ITGB3: variants seen among roughly 807,000 people sequenced by gnomAD.
ITGB3 encodes integrin subunit beta 3, also known as integrin beta-3.
A neutral mutation model predicts 85.8 loss-of-function variants in ITGB3; 48 were observed. The ratio of observed to expected loss-of-function variants is 0.56; its 90% CI spans 0.44 to 0.71. The LOEUF (loss-of-function observed/expected upper bound fraction) is 0.71, where lower values mean the gene tolerates loss of function less well. Among genes scored for constraint, ITGB3 ranks in the 30% least tolerant of loss-of-function variants. The pLI, the probability that ITGB3 is intolerant of heterozygous loss-of-function variation, is 0.00. For missense variants in ITGB3, 861 were observed against 1,019.1 expected, an observed-to-expected ratio of 0.84 and a Z score of 2.11; for synonymous variants, 363 against 395.6, an observed-to-expected ratio of 0.92 and a Z score of 0.98.
intron 3 of ITGB3, 112 bp from the exon 4 acceptor site, chr17:47,284,331 G>A: frequency 1.6e-6 from 2 of 1,239,370 alleles, no homozygotes; most frequent in Admixed American, 1.7e-5. Flanking sequence ...AGGGACCAGG[G>A]CTTTCTGGTT....
At chr17:47,287,903 C>T (rs1455388871) in intron 6 of ITGB3, among the ~76,000 whole-genome samples, 2 of 147,608 alleles carry the variant, frequency 1.4e-5, no homozygotes, top group Non-Finnish European at 3.0e-5. Context: ...GAGCAAGAAC[C>T]ACCCCTGCTT....
intron 1 of ITGB3, among the ~76,000 whole-genome samples, chr17:47,260,074 T>TTGTGTG (rs113106495): frequency 1.3e-5 from 2 of 151,634 alleles, no homozygotes; most frequent in East Asian, 3.9e-4. Flanking sequence ...TTATGTTTAT[T>TTGTGTG]TGTGTGTGTG....
rs56288308 is a variant in ITGB3 at position 47,311,358 on chromosome 17, G to A, written c.*1154G>A. On this transcript the variant is annotated 3_prime_UTR_variant, in exon 15 of 15. Transcript: ENST00000559488. ...AATGATGGGTCAGTTGTATCAGCAC[G>A]TGTGGCCTGTTCTTCTATGGGTTGG... The A allele has an allele frequency of 7.7e-3, 1,171 of 152,806 alleles. 5 individuals carry two copies. The highest frequency in any genetic ancestry group is 0.013 in the Non-Finnish European group (871 of 68,060). The allele number at this position is 152,806 out of a possible 1,614,324, so 9.5% of individuals were successfully genotyped here. A position where few individuals can be genotyped will look rare whatever the true frequency, so the allele number is the denominator to read the frequency against.
chr17:47,272,663 A>T (rs1012048480), intron 1 of ITGB3, among the ~76,000 whole-genome samples: 292 of 148,306 alleles, frequency 2.0e-3, no homozygotes, highest in Middle Eastern at 6.9e-3. Flanking sequence ...ATTTTATGTA[A>T]TCTTTCTTTC....
At chr17:47,270,969 C>A (rs1273555665) in intron 1 of ITGB3, among the ~76,000 whole-genome samples, 1 of 152,180 alleles carries the variant, frequency 6.6e-6, no homozygotes, top group East Asian at 1.9e-4. Context: ...CTTAAAAAAG[C>A]AAAGCAAAAC....
intron 1 of ITGB3, among the ~76,000 whole-genome samples, chr17:47,265,563 T>G (rs761267796): frequency 8.5e-5 from 13 of 152,166 alleles, no homozygotes; most frequent in Non-Finnish European, 1.6e-4. Context: ...CCTCTTCTCA[T>G]AAGGACATCA....
chr17:47,277,135 G>C (rs925733479), intron 2 of ITGB3, among the ~76,000 whole-genome samples: 2 of 152,096 alleles, frequency 1.3e-5, no homozygotes, highest in African/African-American at 4.8e-5. Flanking sequence ...ACGCGGGTTG[G>C]GTTGCTGTGC....
intron 1 of ITGB3, among the ~76,000 whole-genome samples, chr17:47,271,491 T>C (rs1407068562): frequency 6.6e-6 from 1 of 152,206 alleles, no homozygotes; most frequent in East Asian, 1.9e-4. Context: ...AATGCTGAAA[T>C]GAATTAGTGA....
In ITGB3 at chr17:47,299,369, C is replaced by T. The variant is rs746064710; in HGVS notation, c.1752C>T (p.Cys584=). Residue 584 remains cysteine, a synonymous_variant, in exon 11 of 15, where the codon TGC becomes TGT. Transcript: ENST00000559488. This position sits in a 1 kb window ranked among gnomAD's most constrained non-coding sequence, Gnocchi z 5.1. ...LCDSDWTGYY[C]NCTTRTDTCM... is the part of the protein sequence containing the mutation. ...ACTCCGACTGGACCGGCTACTACTGCAACTGTACCACGCGTACTGACACCT... is the reference window on the plus strand; with the variant it reads ...ACTCCGACTGGACCGGCTACTACTGTAACTGTACCACGCGTACTGACACCT... The T allele has an allele frequency of 1.2e-6, 2 of 1,614,238 alleles. No homozygotes were observed. The highest frequency in any genetic ancestry group is 2.2e-5 in the South Asian group (2 of 91,090).
Position 47,274,426 on chromosome 17 carries a change from C to A in ITGB3, c.87C>A (p.Asn29Lys), listed in dbSNP as rs1567761788. 3 of 1,613,078 alleles carry A rather than the reference C, an allele frequency of 1.9e-6. No homozygotes were observed. The highest frequency in any genetic ancestry group is 2.5e-6 in the Non-Finnish European group (3 of 1,179,936). Residue 29 changes from asparagine to lysine, a missense_variant, in exon 2 of 15, where the codon AAC (asparagine) becomes AAA (lysine). Transcript: ENST00000559488. ...TTTGTCTGTCTGTTGCAGGGCCCAA[C>A]ATCTGTACCACGCGAGGTGTGAGCT... ...ALAGVGVGGP[N>K]ICTTRGVSSC... is the part of the protein sequence containing the mutation.
chr17:47,286,975 T>C, intron 5 of ITGB3, 95 bp from the exon 6 acceptor site: 2 of 1,318,222 alleles, frequency 1.5e-6, no homozygotes, highest in Non-Finnish European at 2.2e-6. Flanking sequence ...TCCAGCCCTT[T>C]AGCCAGGGAG....
At chr17:47,256,171 C>A (rs62074394) in intron 1 of ITGB3, among the ~76,000 whole-genome samples, 17,537 of 152,032 alleles carry the variant, frequency 0.12, 1,125 homozygotes, top group Middle Eastern at 0.15. Flanking sequence ...TTAAAAGATC[C>A]TTTAAGATAT....
intron 3 of ITGB3, among the ~76,000 whole-genome samples, 194 bp from the exon 4 acceptor site, chr17:47,284,249 T>G (rs987988743): frequency 6.6e-6 from 1 of 151,924 alleles, no homozygotes; most frequent in Non-Finnish European, 1.5e-5. Context: ...AATTTTAGAA[T>G]GGAAAAGAAG....
At chr17:47,258,434 CTTT>C (rs545172183) in intron 1 of ITGB3, among the ~76,000 whole-genome samples, 3 of 144,848 alleles carry the variant, frequency 2.1e-5, no homozygotes, top group African/African-American at 7.5e-5. Context: ...CAAAAACACT[CTTT>C]TTTTTTTTTT....
rs758917871 is a variant in ITGB3, at chr17:47,309,079, G to A, written c.2302-1060G>A. On this transcript the variant is annotated intron_variant, in intron 14 of 14. Coordinates refer to ENST00000559488, the MANE Select transcript of ITGB3 (RefSeq NM_000212.3). Reference sequence around the variant, plus strand: ...CCTTCTTTTTTTGAGACAGGGTCTCGCTCTGTCACCCATGCTGGAGTGCAG... The same window carrying A: ...CCTTCTTTTTTTGAGACAGGGTCTCACTCTGTCACCCATGCTGGAGTGCAG... 1.4e-3 allele frequency among the ~76,000 whole-genome samples: 213 copies of A among 147,186 alleles called. 2 individuals carry two copies. Among genetic ancestry groups the A allele is most frequent in the Non-Finnish European group, 1.8e-3 (121 of 67,122 alleles).
At chr17:47,284,808 A>G (rs934216146) in intron 4 of ITGB3, 113 bp downstream of exon 4, 71 of 1,414,664 alleles carry the variant, frequency 5.0e-5, no homozygotes, top group Non-Finnish European at 6.3e-5. Flanking sequence ...TTGCCAAACT[A>G]TAGCTCCTTT....
chr17:47,293,900 C>A (rs965125465), intron 10 of ITGB3, among the ~76,000 whole-genome samples: 2 of 152,158 alleles, frequency 1.3e-5, no homozygotes, highest in Non-Finnish European at 1.5e-5. Flanking sequence ...GCCACTGCGC[C>A]CAGCCAGCAT....
In ITGB3 at chr17:47,310,189, G is replaced by A. The variant is rs565628822; in HGVS notation, c.2352G>A (p.Thr784=). 1.1e-5 allele frequency: 18 copies of A among 1,613,892 alleles called. No individual in the cohort carries two copies. Among genetic ancestry groups the A allele is most frequent in the South Asian group, 5.5e-5 (5 of 91,074 alleles). Residue 784 remains threonine, a synonymous_variant, in exon 15 of 15, where the codon ACG becomes ACA. Transcript: ENST00000559488. ...KEATSTFTNI[T]YRGT ...CCACGTCTACCTTCACCAATATCAC[G>A]TACCGGGGCACTTAATGATAAGCAG...
Position 47,299,757 on chromosome 17 carries a change from GT to G in ITGB3, c.1913+228del. ...AACGAGCTGGACTTCGATTGAGAAT[GT>G]CCTCTCCTAGGGTGACATCCTGACT... is the stretch of plus-strand genomic sequence containing the variant. On this transcript the variant is annotated intron_variant, in intron 11 of 14. Coordinates refer to ENST00000559488, the MANE Select transcript of ITGB3 (RefSeq NM_000212.3). The surrounding 1 kb of genome is among the most constrained non-coding windows in gnomAD (Gnocchi z 5.1). Among the ~76,000 whole-genome samples the G allele has an allele frequency of 6.6e-6, 1 of 152,358 alleles. No homozygotes were observed. The highest frequency in any genetic ancestry group is 1.5e-5 in the Non-Finnish European group (1 of 68,034).
Sources: allele counts gnomAD v4.1 joint callset (sites outside exome capture counted in the v4.1 genomes callset), GRCh38; gene constraint gnomAD v4.1.1; non-coding constraint Gnocchi (gnomAD v3.1); transcripts MANE v1.5; gene names NCBI Gene and HGNC (gene_info 2026-07-23, HGNC 2026-07-21).